The following CCDC81 variants were observed in gnomAD, a reference collection of about 807,000 sequenced individuals.
The protein encoded by CCDC81 is coiled-coil domain containing 81.
A neutral mutation model predicts 83.7 loss-of-function variants in CCDC81; 79 were observed. The observed-to-expected ratio is 0.94, with a 90% CI of 0.79 to 1.14. The LOEUF (loss-of-function observed/expected upper bound fraction) is 1.14. Among genes scored for constraint, CCDC81 ranks in the 50% most tolerant of loss-of-function variants. The pLI is 0.00. For synonymous variants in CCDC81, 252 were observed against 278.1 expected (o/e 0.91, Z 0.93); for missense variants, 791 against 778.1 (o/e 1.02, Z -0.20).
In CCDC81 at chr11:86,387,496, GT is replaced by G. The variant is rs1593912313; in HGVS notation, c.142-16del. The G allele has an allele frequency of 1.2e-6, 2 of 1,611,262 alleles. No individual in the cohort carries two copies. Among genetic ancestry groups the G allele is most frequent in the Non-Finnish European group, 1.7e-6 (2 of 1,178,890 alleles). ...TCACTCCTTCAATGAATTCTGTTTT[GT>G]TTTGTTTTTTCCTTTCAGGGGGTTC... On this transcript the variant is annotated intron_variant, in intron 2 of 14. Coordinates refer to ENST00000445632, the MANE Select transcript of CCDC81 (RefSeq NM_001156474.2).
chr11:86,415,278 G>A lies in CCDC81; in HGVS notation c.1656G>A (p.Arg552=). 1.2e-6 allele frequency: 2 copies of A among 1,614,174 alleles called. No homozygotes were observed. Among genetic ancestry groups the A allele is most frequent in the Non-Finnish European group, 1.7e-6 (2 of 1,180,028 alleles). ...KAILHQLVDQ[R]RDLQMLQRTQ... ...TCCTGCATCAACTAGTGGACCAGAG[G>A]CGGGATTTGCAAATGCTTCAGAGGA... The change falls in exon 13 of 15, where the codon AGG becomes AGA. Residue 552 remains arginine (R), a synonymous_variant. Coordinates refer to ENST00000445632, the MANE Select transcript of CCDC81 (RefSeq NM_001156474.2).
intron 14 of CCDC81, 88 bp from the exon 15 acceptor site, chr11:86,422,486 T>G: frequency 4.0e-6 from 5 of 1,259,676 alleles, no homozygotes; most frequent in Non-Finnish European, 5.6e-6. Flanking sequence ...CACTTTTCTT[T>G]TGTGTACCTC....
intron 10 of CCDC81, 120 bp from the exon 11 acceptor site, chr11:86,412,267 T>C: frequency 1.3e-6 from 1 of 791,008 alleles, no homozygotes; most frequent in Non-Finnish European, 2.0e-6. Context: ...GGTCCGTGTG[T>C]TGAGGGCTGG....
chr11:86,416,155 CTCTTT>C (rs1351715475), intron 13 of CCDC81, among the ~76,000 whole-genome samples: 1 of 152,134 alleles, frequency 6.6e-6, no homozygotes, highest in Non-Finnish European at 1.5e-5. Flanking sequence ...ATTTTATAAA[CTCTTT>C]TCTTATTGTT....
chr11:86,397,693 A>C lies in CCDC81; in HGVS notation c.708A>C (p.Glu236Asp), dbSNP rs1948426620. The stretch of plus-strand genomic sequence containing the variant: ...TAGAAGAATGTGGAGAGAATAGAGA[A>C]AGGAAGTGCAAGTTAAAAGACCAGT... ...TLVEECGENR[E>D]RKCKLKDQSD... is the part of the protein sequence containing the mutation. Residue 236 changes from glutamate to aspartate, a missense_variant, in exon 6 of 15, where the codon GAA (glutamate) becomes GAC (aspartate). Physicochemically the swap from Glu to Asp is conservative, Grantham distance 45 (BLOSUM62 2). Coordinates refer to ENST00000445632, the MANE Select transcript of CCDC81 (RefSeq NM_001156474.2). The C allele has an allele frequency of 1.2e-6, 2 of 1,613,886 alleles. No homozygotes were observed. The highest frequency in any genetic ancestry group is 1.7e-6 in the Non-Finnish European group (2 of 1,179,892).
rs755852753 is a variant in CCDC81, at chr11:86,400,671, T to G, written c.758-7T>G. ...AGACTCGTTTTCATTCATTCTTTAT[T>G]CTACAGATATCTCATCACCCAAAAG... On this transcript the variant is annotated splice_polypyrimidine_tract_variant and splice_region_variant and intron_variant, in intron 6 of 14. Coordinates refer to ENST00000445632, the MANE Select transcript of CCDC81 (RefSeq NM_001156474.2). 14 of 1,594,888 alleles carry G rather than the reference T, an allele frequency of 8.8e-6. No homozygotes were observed. The highest frequency in any genetic ancestry group is 1.1e-5 in the Non-Finnish European group (13 of 1,165,564).
chr11:86,388,433 G>A (rs1166525365), intron 3 of CCDC81, among the ~76,000 whole-genome samples: 8 of 151,966 alleles, frequency 5.3e-5, no homozygotes, highest in South Asian at 4.1e-4. Context: ...TGTTCCTTTC[G>A]ACCTTCCTGA....
intron 1 of CCDC81, among the ~76,000 whole-genome samples, chr11:86,382,804 A>C (rs546696114): frequency 1.3e-4 from 20 of 152,150 alleles, no homozygotes; most frequent in Admixed American, 2.0e-4. Context: ...GTTAGGAGAA[A>C]ACCCAAATGA....
At chr11:86,404,020 G>C (rs1403188534) in intron 7 of CCDC81, among the ~76,000 whole-genome samples, 1 of 151,980 alleles carries the variant, frequency 6.6e-6, no homozygotes, top group Admixed American at 6.6e-5. Flanking sequence ...GGTGCTGAAG[G>C]GCATGTAGTG....
intron 10 of CCDC81, among the ~76,000 whole-genome samples, chr11:86,409,912 C>A (rs889465579): frequency 6.6e-6 from 1 of 152,156 alleles, no homozygotes; most frequent in Non-Finnish European, 1.5e-5. Context: ...TAATTCTCAA[C>A]CAGGACGTGG....
At chr11:86,417,390 A>G (rs2138542767) in intron 13 of CCDC81, among the ~76,000 whole-genome samples, 1 of 152,122 alleles carries the variant, frequency 6.6e-6, no homozygotes, top group South Asian at 2.1e-4. Flanking sequence ...AAAAATTTAA[A>G]CAATTTTTCC....
intron 3 of CCDC81, among the ~76,000 whole-genome samples, chr11:86,391,739 G>A (rs1237826873): frequency 1.3e-5 from 2 of 152,202 alleles, no homozygotes; most frequent in African/African-American, 4.8e-5. Flanking sequence ...GATAACTGGA[G>A]GAGATAGGCA....
intron 5 of CCDC81, among the ~76,000 whole-genome samples, chr11:86,396,933 T>A (rs1033960940): frequency 6.6e-6 from 1 of 152,142 alleles, no homozygotes; most frequent in African/African-American, 2.4e-5. Context: ...CGCCATCAAG[T>A]CAAGGGCCTA....
chr11:86,395,434 G>A (rs758211040), intron 5 of CCDC81, 21 bp downstream of exon 5: 39 of 1,603,718 alleles, frequency 2.4e-5, no homozygotes, highest in Non-Finnish European at 3.3e-5. Context: ...TGCTTCACGG[G>A]TTCCTCTAGG....
At chr11:86,418,969 G>A (rs1377419415) in intron 13 of CCDC81, 2 of 152,166 alleles carry the variant, frequency 1.3e-5, no homozygotes, top group South Asian at 2.1e-4. Flanking sequence ...ATAGGCACTG[G>A]CACTTCCTGT....
chr11:86,422,645 C>T lies in CCDC81; in HGVS notation c.1889C>T (p.Thr630Ile). Residue 630 changes from threonine (T) to isoleucine (I), a missense_variant, in exon 15 of 15, where the codon ACC becomes ATC. Transcript: ENST00000445632. ...YRRCKQCQRRTSNVGESNLWP... is the reference protein window; with the variant it reads ...YRRCKQCQRRISNVGESNLWP... ...CGCTGCAAGCAATGCCAGAGGCGCA[C>T]CTCCAACGTGGGCGAGAGCAACCTG... 1 of 1,614,086 alleles carries T rather than the reference C, an allele frequency of 6.2e-7. No individual in the cohort carries two copies. The highest frequency in any genetic ancestry group is 8.5e-7 in the Non-Finnish European group (1 of 1,179,968).
At chr11:86,390,704 A>G (rs781021825) in intron 3 of CCDC81, among the ~76,000 whole-genome samples, 2 of 152,166 alleles carry the variant, frequency 1.3e-5, no homozygotes, top group African/African-American at 2.4e-5. Context: ...GGGTAGGAAG[A>G]GGAAGGAAGG....
intron 7 of CCDC81, among the ~76,000 whole-genome samples, chr11:86,405,591 A>G (rs909262125): frequency 6.6e-6 from 1 of 152,002 alleles, no homozygotes; most frequent in African/African-American, 2.4e-5. Context: ...TCCTTTGACC[A>G]TGTTTCTTCA....
chr11:86,403,949 C>T (rs1481033794), intron 7 of CCDC81, among the ~76,000 whole-genome samples: 1 of 152,076 alleles, frequency 6.6e-6, no homozygotes, highest in East Asian at 1.9e-4. Context: ...GCTTAGGTAA[C>T]TGGGAGAAGA....
Sources: allele counts gnomAD v4.1 joint callset (sites outside exome capture counted in the v4.1 genomes callset), GRCh38; gene constraint gnomAD v4.1.1; transcripts MANE v1.5; gene names NCBI Gene and HGNC (gene_info 2026-07-23, HGNC 2026-07-21).